SEMA6D: variants seen among roughly 807,000 people sequenced by gnomAD.
SEMA6D encodes the protein semaphorin 6D.
A neutral mutation model predicts 106.6 loss-of-function variants in SEMA6D; 35 were observed. The ratio of observed to expected loss-of-function variants is 0.33; its 90% CI spans 0.25 to 0.44. SEMA6D has a LOEUF of 0.44. Ranked by LOEUF, SEMA6D falls within the 20% of genes least tolerant of loss-of-function variation. The pLI, the probability that SEMA6D is intolerant of heterozygous loss-of-function variation, is 1.00. For synonymous variants in SEMA6D, 499 were observed against 487.7 expected, an observed-to-expected ratio of 1.02 and a Z score of -0.31; for missense variants, 1,185 against 1,345.9, an observed-to-expected ratio of 0.88 and a Z score of 1.87.
At chr15:47,594,447 A>C (rs1425661657) in intron 3 of SEMA6D, among the ~76,000 whole-genome samples, 1 of 152,244 alleles carries the variant, frequency 6.6e-6, no homozygotes, top group Admixed American at 6.5e-5. Context: ...ACCTGCAGAT[A>C]AATTGTAAGT....
intron 3 of SEMA6D, among the ~76,000 whole-genome samples, chr15:47,576,037 A>G (rs1381516422): frequency 1.3e-5 from 2 of 152,212 alleles, no homozygotes; most frequent in Non-Finnish European, 2.9e-5. Flanking sequence ...TTTATATGAC[A>G]AAACGACTCA....
At chr15:47,424,142 C>G (rs1334212535) in intron 2 of SEMA6D, among the ~76,000 whole-genome samples, 1 of 152,012 alleles carries the variant, frequency 6.6e-6, no homozygotes, top group Non-Finnish European at 1.5e-5. Flanking sequence ...TGTCATGCTA[C>G]TCAGTGTATT....
chr15:47,268,654 T>A (rs1053105205), intron 1 of SEMA6D, among the ~76,000 whole-genome samples: 1 of 152,274 alleles, frequency 6.6e-6, no homozygotes, highest in South Asian at 2.1e-4. Flanking sequence ...ACTAGCTTTC[T>A]CTCTTACATA....
chr15:47,537,477 G>C (rs768348419), intron 3 of SEMA6D, among the ~76,000 whole-genome samples: 2 of 152,200 alleles, frequency 1.3e-5, no homozygotes, highest in Non-Finnish European at 2.9e-5. Flanking sequence ...ACATTGGAAA[G>C]TTAGGCAGAG....
At chr15:47,436,085 C>G (rs4775686) in intron 2 of SEMA6D, among the ~76,000 whole-genome samples, 29,090 of 152,010 alleles carry the variant, frequency 0.19, 3,117 homozygotes, top group South Asian at 0.36. Flanking sequence ...AGATATGTAG[C>G]ACAAATTAAA....
At chr15:47,750,459 C>T (rs934142749) in intron 1 of SEMA6D, among the ~76,000 whole-genome samples, 1 of 152,132 alleles carries the variant, frequency 6.6e-6, no homozygotes, top group African/African-American at 2.4e-5. Context: ...CCCAGATCTC[C>T]TGGTTCCTGG....
chr15:47,719,133 C>G (rs1040582189), intron 1 of SEMA6D, among the ~76,000 whole-genome samples: 1 of 140,028 alleles, frequency 7.1e-6, no homozygotes, highest in African/African-American at 2.7e-5. Context: ...TGTTAAAAGG[C>G]GAAATGTCAG....
chr15:47,325,283 C>T (rs1201910202), intron 1 of SEMA6D, among the ~76,000 whole-genome samples: 1 of 152,066 alleles, frequency 6.6e-6, no homozygotes, highest in Non-Finnish European at 1.5e-5. Flanking sequence ...AAGTGATTCT[C>T]CTGCCTCAGC....
At chr15:47,572,581 G>T (rs1320174941) in intron 3 of SEMA6D, among the ~76,000 whole-genome samples, 6 of 152,072 alleles carry the variant, frequency 3.9e-5, no homozygotes, top group Non-Finnish European at 8.8e-5. Context: ...GATAGCTGGG[G>T]TCAGCCTTCA....
intron 4 of SEMA6D, among the ~76,000 whole-genome samples, chr15:47,693,341 C>G (rs1234587356): frequency 6.6e-6 from 1 of 152,120 alleles, no homozygotes; most frequent in Non-Finnish European, 1.5e-5. Context: ...CTTCTGGCCC[C>G]TAGAACTGTG....
At chr15:47,568,307 A>G (rs925928000) in intron 3 of SEMA6D, among the ~76,000 whole-genome samples, 2 of 152,136 alleles carry the variant, frequency 1.3e-5, no homozygotes, top group Non-Finnish European at 2.9e-5. Flanking sequence ...AGCAATGTCT[A>G]TAATAGTATA....
In SEMA6D at chr15:47,760,304, A is replaced by G. The variant is rs1477506283; in HGVS notation, c.110A>G (p.Tyr37Cys). Residue 37 changes from tyrosine (Y) to cysteine (C), a missense_variant and splice_region_variant, in exon 3 of 19, where the codon TAT becomes TGT. Physicochemically the swap from Tyr to Cys is radical, Grantham distance 194 (BLOSUM62 -2). Coordinates refer to ENST00000536845, the MANE Select transcript of SEMA6D (RefSeq NM_001358351.3). The stretch of plus-strand genomic sequence containing the variant: ...TGGTTTAGCCCATTTTTACTTGCAG[A>G]TTCAAGGCAATATCCGGTTTTTAGA... ...DEPLNTVDYHYSRQYPVFRGR... is the reference protein window; with the variant it reads ...DEPLNTVDYHCSRQYPVFRGR... 4.3e-6 allele frequency: 7 copies of G among 1,611,736 alleles called. No homozygotes were observed. The African/African-American group carries it at 5.3e-5, about 12-fold the overall frequency.
chr15:47,483,915 G>A (rs371892947), intron 3 of SEMA6D, among the ~76,000 whole-genome samples: 59 of 151,996 alleles, frequency 3.9e-4, no homozygotes, highest in African/African-American at 1.2e-3. Flanking sequence ...GCCCTGCTTC[G>A]TTTCTTTCAT....
intron 1 of SEMA6D, among the ~76,000 whole-genome samples, chr15:47,389,154 C>G (rs1017902559): frequency 6.6e-6 from 1 of 152,180 alleles, no homozygotes; most frequent in Non-Finnish European, 1.5e-5. Flanking sequence ...CTTAGCTTCT[C>G]TCCCTCAGTT....
chr15:47,764,563 C>G, intron 11 of SEMA6D, 75 bp from the exon 12 acceptor site: 2 of 1,573,700 alleles, frequency 1.3e-6, no homozygotes, highest in Non-Finnish European at 1.7e-6. Flanking sequence ...TGAGAATATA[C>G]ACTTATTCCT....
intron 1 of SEMA6D, among the ~76,000 whole-genome samples, chr15:47,226,834 A>G (rs1383290785): frequency 1.3e-5 from 2 of 151,956 alleles, no homozygotes; most frequent in Non-Finnish European, 2.9e-5. Flanking sequence ...CCAGAACCCA[A>G]TCCTTCATCT....
At chr15:47,517,037 A>G (rs2044410085) in intron 3 of SEMA6D, among the ~76,000 whole-genome samples, 1 of 151,894 alleles carries the variant, frequency 6.6e-6, no homozygotes, top group Non-Finnish European at 1.5e-5. Flanking sequence ...AGTCAGTGCT[A>G]CTCTCTTGTT....
intron 3 of SEMA6D, among the ~76,000 whole-genome samples, chr15:47,594,586 T>G (rs1053149119): frequency 2.6e-5 from 4 of 152,178 alleles, no homozygotes; most frequent in Non-Finnish European, 5.9e-5. Flanking sequence ...ACCTATACTT[T>G]GGGATATGAA....
At chr15:47,703,652 A>G (rs987876411) in intron 4 of SEMA6D, among the ~76,000 whole-genome samples, 2 of 152,186 alleles carry the variant, frequency 1.3e-5, no homozygotes, top group African/African-American at 2.4e-5. Flanking sequence ...GTAGAAAATT[A>G]ATATTATTAT....
Sources: allele counts gnomAD v4.1 joint callset (sites outside exome capture counted in the v4.1 genomes callset), GRCh38; gene constraint gnomAD v4.1.1; transcripts MANE v1.5; gene names NCBI Gene and HGNC (gene_info 2026-07-23, HGNC 2026-07-21).